The following NCOA2 variants were observed in gnomAD, a reference collection of about 807,000 sequenced individuals.
NCOA2 encodes nuclear receptor coactivator 2, also known as class E basic helix-loop-helix protein 75.
In NCOA2, 21 loss-of-function variants were observed where a neutral mutation model predicts 145.1. The observed-to-expected ratio is 0.14, with a 90% confidence interval of 0.10 to 0.21. The LOEUF is 0.21. NCOA2 is among the 10% of genes least tolerant of loss of function. The pLI, the probability that NCOA2 is intolerant of heterozygous loss-of-function variation, is 1.00. For missense variants in NCOA2, 1,472 were observed against 1,837.6 expected (o/e 0.80, Z 3.64); for synonymous variants, 619 against 637.5 (o/e 0.97, Z 0.44).
intron 1 of NCOA2, among the ~76,000 whole-genome samples, chr8:70,352,300 A>T (rs1809317452): frequency 6.6e-6 from 1 of 152,132 alleles, no homozygotes; most frequent in African/African-American, 2.4e-5. Flanking sequence ...GCTGAAAAAA[A>T]TTGCCCAATG....
At chr8:70,137,535 T>C (rs535328322) in intron 15 of NCOA2, among the ~76,000 whole-genome samples, 1 of 152,332 alleles carries the variant, frequency 6.6e-6, no homozygotes, top group East Asian at 1.9e-4. Context: ...TTCTAACATA[T>C]CAAATAAACG....
At position 70,112,854 on chromosome 8, in the gene NCOA2, A is replaced by C. The variant is rs1480791466; in HGVS notation, c.*778T>G. 1 of 203,442 alleles carries C rather than the reference A, an allele frequency of 4.9e-6. No individual in the cohort carries two copies. Among genetic ancestry groups the C allele is most frequent in the Non-Finnish European group, 1.0e-5 (1 of 99,232 alleles). 12.6% of individuals were successfully genotyped at this position (203,442 alleles called of 1,614,324 possible). ...ATTCAAGCTGTCTGATCAAACTAAA[A>C]GGGACTTAATTTAGAAATGAAAATT... is the stretch of plus-strand genomic sequence containing the variant. On this transcript the variant is annotated 3_prime_UTR_variant, in exon 23 of 23. Transcript: ENST00000452400.
At chr8:70,407,573 G>A (rs939932010), upstream of NCOA2, among the ~76,000 whole-genome samples, 1 of 151,862 alleles carries the variant, frequency 6.6e-6, no homozygotes, top group Non-Finnish European at 1.5e-5. Flanking sequence ...CAGATCACGA[G>A]GTTAAGAGAT....
intron 2 of NCOA2, among the ~76,000 whole-genome samples, chr8:70,228,284 T>C (rs1022053765): frequency 1.3e-5 from 2 of 152,214 alleles, no homozygotes; most frequent in Non-Finnish European, 2.9e-5. Flanking sequence ...GGCAAGTAGC[T>C]GTCAGCAAAA....
chr8:70,138,195 G>A lies in NCOA2; in HGVS notation c.3158+8C>T. 1 of 1,611,400 alleles carries A rather than the reference G, an allele frequency of 6.2e-7. No individual in the cohort carries two copies. Among genetic ancestry groups the A allele is most frequent in the Non-Finnish European group, 8.5e-7 (1 of 1,179,156 alleles). On this transcript the variant is annotated splice_region_variant and intron_variant, in intron 15 of 22. Transcript: ENST00000452400. ...AATAACTGGCTACCCTAGGTGCTCA[G>A]GACTCACCTGTTTTGGCTGGCAAAA... is the stretch of plus-strand genomic sequence containing the variant.
chr8:70,249,116 A>G (rs1315015752), intron 2 of NCOA2, among the ~76,000 whole-genome samples: 1 of 152,048 alleles, frequency 6.6e-6, no homozygotes, highest in Non-Finnish European at 1.5e-5. Context: ...GGCTCTAAGA[A>G]AGAAAGATAA....
chr8:70,408,969 T>A, the NCOA2 span, among the ~76,000 whole-genome samples: 5 of 152,076 alleles, frequency 3.3e-5, no homozygotes, highest in East Asian at 9.6e-4. Context: ...CCAGGTATAG[T>A]GGCTCATGCC....
At chr8:70,154,799 T>C (rs548891895) in intron 11 of NCOA2, among the ~76,000 whole-genome samples, 1 of 152,268 alleles carries the variant, frequency 6.6e-6, no homozygotes, top group East Asian at 1.9e-4. Flanking sequence ...GGGTGGAAGG[T>C]TGAGGAGATG....
intron 14 of NCOA2, among the ~76,000 whole-genome samples, chr8:70,138,895 T>C (rs1381424753): frequency 1.3e-5 from 2 of 152,280 alleles, no homozygotes; most frequent in Non-Finnish European, 2.9e-5. Flanking sequence ...TCTGGAAAAC[T>C]CTACCATAAC....
Position 70,121,485 on chromosome 8 carries a change from G to A in NCOA2, c.4294-94C>T, listed in dbSNP as rs1383745380. On this transcript the variant is annotated intron_variant, in intron 21 of 22. Transcript: ENST00000452400. Reference sequence around the variant, plus strand: ...GGCCGCCGCCCTTCCTCTGTTTTTAGGGGTGTAAAAACGGGGAAAAGGAAC... The same window carrying A: ...GGCCGCCGCCCTTCCTCTGTTTTTAAGGGTGTAAAAACGGGGAAAAGGAAC... 3 of 929,876 alleles carry A rather than the reference G, an allele frequency of 3.2e-6. No homozygotes were observed. In the Admixed American group the frequency reaches 6.2e-5, roughly 19 times the overall value. The allele number at this position is 929,876 out of a possible 1,614,324, so 57.6% of individuals were successfully genotyped here. A position where few individuals can be genotyped will look rare whatever the true frequency, so the allele number is the denominator to read the frequency against.
intron 1 of NCOA2, among the ~76,000 whole-genome samples, chr8:70,382,626 T>C (rs1244015278): frequency 6.6e-6 from 1 of 152,184 alleles, no homozygotes; most frequent in East Asian, 1.9e-4. Flanking sequence ...CTATTTTGAA[T>C]GAAAATTATA....
chr8:70,422,147 G>T, the NCOA2 span, among the ~76,000 whole-genome samples: 3 of 151,606 alleles, frequency 2.0e-5, no homozygotes, highest in African/African-American at 7.3e-5. Flanking sequence ...AGAAAGAAAA[G>T]ATGCTATGTG....
intron 4 of NCOA2, among the ~76,000 whole-genome samples, chr8:70,211,286 C>A (rs1586114367): frequency 2.0e-5 from 3 of 152,042 alleles, no homozygotes; most frequent in African/African-American, 7.2e-5. Flanking sequence ...TGGTGAAACC[C>A]CTTCTCTATT....
chr8:70,407,531 G>A (rs1028150561), upstream of NCOA2, among the ~76,000 whole-genome samples: 5 of 152,020 alleles, frequency 3.3e-5, no homozygotes, highest in African/African-American at 1.2e-4. Flanking sequence ...GCTCACGCCT[G>A]TAATCACAGC....
intron 2 of NCOA2, among the ~76,000 whole-genome samples, chr8:70,248,327 A>G (rs1245130331): frequency 2.0e-5 from 3 of 152,224 alleles, no homozygotes; most frequent in African/African-American, 7.2e-5. Context: ...CAAAATGTAG[A>G]ACACTTCCAT....
chr8:70,110,530 A>C lies in NCOA2; in HGVS notation c.*3102T>G, dbSNP rs2131089003. ...TCTTAGGCAGCATACCACCATACAA[A>C]CACTAGAAAATTTTAAATTCACACC... On this transcript the variant is annotated 3_prime_UTR_variant, in exon 23 of 23. Coordinates refer to ENST00000452400, the MANE Select transcript of NCOA2 (RefSeq NM_006540.4). 1 of 203,126 alleles carries C rather than the reference A, an allele frequency of 4.9e-6. No homozygotes were observed. The allele number at this position is 203,126 out of a possible 1,614,324, so 12.6% of individuals were successfully genotyped here.
intron 12 of NCOA2, among the ~76,000 whole-genome samples, chr8:70,147,655 T>C (rs1811253881): frequency 1.3e-5 from 2 of 152,212 alleles, no homozygotes; most frequent in Admixed American, 6.5e-5. Flanking sequence ...AGATAGAAGA[T>C]GTTCTTTCTA....
intron 1 of NCOA2, among the ~76,000 whole-genome samples, chr8:70,330,580 A>C (rs1001914907): frequency 3.3e-5 from 5 of 151,734 alleles, no homozygotes; most frequent in African/African-American, 1.2e-4. Flanking sequence ...AAAAAAAAAA[A>C]AACCCCAAAA....
Position 70,374,671 on chromosome 8 carries a change from G to A in NCOA2, c.-77+29029C>T, listed in dbSNP as rs1217079531. Among the ~76,000 whole-genome samples the A allele has an allele frequency of 2.0e-5, 3 of 151,300 alleles. No homozygotes were observed. The East Asian group carries it at 5.8e-4, about 29-fold the overall frequency. ...TTTAAAAATTAGCTGGGGCAATGGTGTGCACCTATACTCCCAGCTATTCGG... is the reference window on the plus strand; with the variant it reads ...TTTAAAAATTAGCTGGGGCAATGGTATGCACCTATACTCCCAGCTATTCGG... On this transcript the variant is annotated intron_variant, in intron 1 of 22. Transcript: ENST00000452400.
Sources: allele counts gnomAD v4.1 joint callset (sites outside exome capture counted in the v4.1 genomes callset), GRCh38; gene constraint gnomAD v4.1.1; transcripts MANE v1.5; gene names NCBI Gene and HGNC (gene_info 2026-07-23, HGNC 2026-07-21).